Variants in SMG6 observed in about 807,000 individuals in gnomAD.
The protein encoded by SMG6 is SMG6 nonsense mediated mRNA decay factor.
A neutral mutation model predicts 142.2 loss-of-function variants in SMG6; 66 were observed. That is an observed-to-expected ratio of 0.46 (90% CI 0.38 to 0.57). The LOEUF (loss-of-function observed/expected upper bound fraction) is 0.57. Ranked by LOEUF, SMG6 falls within the 20% of genes least tolerant of loss-of-function variation. The pLI is 0.00. For synonymous variants in SMG6, 779 were observed against 702.4 expected (o/e 1.11, Z -1.72); for missense variants, 1,793 against 1,832.0 (o/e 0.98, Z 0.39).
chr17:2,073,696 G>C (rs536293328), intron 15 of SMG6, among the ~76,000 whole-genome samples: 1 of 107,818 alleles, frequency 9.3e-6, no homozygotes, highest in Non-Finnish European at 1.8e-5. Flanking sequence ...GCAACAGAGC[G>C]AGACTCCGTC....
chr17:2,109,832 C>T (rs1304818262), intron 13 of SMG6, among the ~76,000 whole-genome samples: 1 of 152,096 alleles, frequency 6.6e-6, no homozygotes, highest in Non-Finnish European at 1.5e-5. Context: ...TGGCTCACAC[C>T]TGTAGTCGCA....
intron 13 of SMG6, among the ~76,000 whole-genome samples, chr17:2,113,109 G>A (rs546003923): frequency 3.3e-5 from 5 of 151,954 alleles, no homozygotes; most frequent in African/African-American, 9.7e-5. Flanking sequence ...CCAGGCTGGA[G>A]TGCAGTGGCA....
intron 13 of SMG6, among the ~76,000 whole-genome samples, chr17:2,124,084 A>G (rs1487303828): frequency 1.3e-5 from 2 of 152,206 alleles, no homozygotes; most frequent in Middle Eastern, 3.2e-3. Context: ...GAGGAATATC[A>G]TTCCAGAACA....
At chr17:2,154,056 A>C (rs372719141) in intron 13 of SMG6, among the ~76,000 whole-genome samples, 6 of 78,716 alleles carry the variant, frequency 7.6e-5, no homozygotes, top group East Asian at 4.5e-4. Flanking sequence ...GGGGATGCAT[A>C]TAGAGTGTGA....
At chr17:2,195,317 TTC>T (rs2072291593) in intron 10 of SMG6, among the ~76,000 whole-genome samples, 1 of 152,170 alleles carries the variant, frequency 6.6e-6, no homozygotes, top group African/African-American at 2.4e-5. Flanking sequence ...CCTCCACACA[TTC>T]TCTCATCAAC....
At chr17:2,189,546 C>T (rs1433599546) in intron 10 of SMG6, among the ~76,000 whole-genome samples, 1 of 152,130 alleles carries the variant, frequency 6.6e-6, no homozygotes, top group Admixed American at 6.5e-5. Flanking sequence ...TACAGGAGAA[C>T]TCTCAGAATC....
At chr17:2,208,204 A>T (rs1469740378) in intron 10 of SMG6, among the ~76,000 whole-genome samples, 1 of 152,028 alleles carries the variant, frequency 6.6e-6, no homozygotes, top group Non-Finnish European at 1.5e-5. Context: ...CAAAATAGCA[A>T]ACCTGCCTCC....
intron 8 of SMG6, among the ~76,000 whole-genome samples, chr17:2,277,453 C>T (rs1048169163): frequency 6.6e-6 from 1 of 152,146 alleles, no homozygotes; most frequent in Non-Finnish European, 1.5e-5. Flanking sequence ...GGCGTAAGCA[C>T]CACGCCCGGC....
intron 10 of SMG6, among the ~76,000 whole-genome samples, chr17:2,212,237 A>C (rs1199819706): frequency 1.3e-5 from 2 of 151,998 alleles, no homozygotes; most frequent in East Asian, 3.9e-4. Flanking sequence ...AACTAACTAA[A>C]ACATTATTAA....
intron 13 of SMG6, among the ~76,000 whole-genome samples, chr17:2,123,588 G>A (rs1219626956): frequency 6.6e-6 from 1 of 152,210 alleles, no homozygotes; most frequent in Non-Finnish European, 1.5e-5. Context: ...TGGAAGGAGA[G>A]AGGACAGGGA....
chr17:2,194,383 G>A (rs1253317039), intron 10 of SMG6, among the ~76,000 whole-genome samples: 1 of 152,208 alleles, frequency 6.6e-6, no homozygotes, highest in East Asian at 1.9e-4. Context: ...AGGTAACAAT[G>A]AGGGAGACCA....
intron 8 of SMG6, chr17:2,255,909 T>A (rs1387163518): frequency 4.3e-6 from 1 of 230,250 alleles, no homozygotes; most frequent in Non-Finnish European, 8.5e-6. Context: ...CTCTGAAACA[T>A]GTGCTGTGTC....
chr17:2,181,319 G>C (rs1450244515), intron 12 of SMG6, among the ~76,000 whole-genome samples: 1 of 152,222 alleles, frequency 6.6e-6, no homozygotes, highest in Non-Finnish European at 1.5e-5. Flanking sequence ...GTGGTAGTCA[G>C]GCCAGGTTTG....
intron 13 of SMG6, among the ~76,000 whole-genome samples, chr17:2,131,088 T>C (rs1403534103): frequency 6.6e-6 from 1 of 152,186 alleles, no homozygotes; most frequent in Non-Finnish European, 1.5e-5. Context: ...GGCTTATTAT[T>C]AAAACAATTG....
At chr17:2,188,366 A>G in intron 11 of SMG6, 33 bp downstream of exon 11, 1 of 1,591,186 alleles carries the variant, frequency 6.3e-7, no homozygotes, top group Non-Finnish European at 8.6e-7. Flanking sequence ...GGCAACTGGA[A>G]AGCCCACCAG....
intron 9 of SMG6, among the ~76,000 whole-genome samples, chr17:2,239,052 A>G (rs1394291995): frequency 6.6e-6 from 1 of 152,154 alleles, no homozygotes; most frequent in African/African-American, 2.4e-5. Flanking sequence ...CCAGTTTTGT[A>G]ACCAAAATGC....
At chr17:2,066,951 C>CAGGTTAA (rs1310516660) in intron 16 of SMG6, among the ~76,000 whole-genome samples, 1 of 152,212 alleles carries the variant, frequency 6.6e-6, no homozygotes, top group Non-Finnish European at 1.5e-5. Context: ...TAAAGAGCAC[C>CAGGTTAA]AGAAACAAGA....
chr17:2,204,165 C>T (rs567902537), intron 10 of SMG6, among the ~76,000 whole-genome samples: 66 of 152,144 alleles, frequency 4.3e-4, no homozygotes, highest in African/African-American at 1.4e-3. Flanking sequence ...TTGTAAACAA[C>T]GCCAAAAATA....
chr17:2,123,088 C>T (rs936369835), intron 13 of SMG6, among the ~76,000 whole-genome samples: 15 of 151,216 alleles, frequency 9.9e-5, no homozygotes, highest in African/African-American at 3.7e-4. Flanking sequence ...TGCCGCATAA[C>T]GCTGGCTGCT....
Sources: allele counts gnomAD v4.1 joint callset (sites outside exome capture counted in the v4.1 genomes callset), GRCh38; gene constraint gnomAD v4.1.1; transcripts MANE v1.5; gene names NCBI Gene and HGNC (gene_info 2026-07-23, HGNC 2026-07-21).